Variants in PPP1R9A observed in about 807,000 individuals in gnomAD.
PPP1R9A encodes the protein protein phosphatase 1 regulatory subunit 9A.
In PPP1R9A, 59 loss-of-function variants were observed where a neutral mutation model predicts 141.9. The observed-to-expected ratio is 0.42, with a 90% confidence interval of 0.34 to 0.52. The LOEUF is 0.52. Among genes scored for constraint, PPP1R9A ranks in the 20% least tolerant of loss-of-function variants. The pLI is 0.10. For synonymous variants in PPP1R9A, 500 were observed against 569.7 expected (o/e 0.88, Z 1.74); for missense variants, 1,444 against 1,611.9 (o/e 0.90, Z 1.78).
In PPP1R9A at chr7:94,956,976, T is replaced by C. The variant is rs193112537; in HGVS notation, c.1395+45468T>C. Among the ~76,000 whole-genome samples, 6 of 152,300 alleles carry C rather than the reference T, an allele frequency of 3.9e-5. No individual in the cohort carries two copies. The East Asian group carries it at 1.2e-3, about 29-fold the overall frequency. ...CAGATATAAATGTACGTGATCAGTT[T>C]GATCAGTTTTCCTTTTCACAAATAA... On this transcript the variant is annotated intron_variant, in intron 2 of 19. Transcript: ENST00000433360.
chr7:95,074,725 C>T (rs1257221503), intron 2 of PPP1R9A, among the ~76,000 whole-genome samples: 1 of 152,030 alleles, frequency 6.6e-6, no homozygotes, highest in Admixed American at 6.5e-5. Flanking sequence ...CCACCCGTCT[C>T]GGCCTCCCAA....
chr7:95,010,981 C>T (rs1376175443), intron 2 of PPP1R9A, among the ~76,000 whole-genome samples: 3 of 152,052 alleles, frequency 2.0e-5, no homozygotes, highest in Admixed American at 6.6e-5. Context: ...TGGAGTCTGC[C>T]TGACAGAATG....
intron 2 of PPP1R9A, among the ~76,000 whole-genome samples, chr7:94,989,798 C>T (rs940891397): frequency 2.0e-5 from 3 of 152,016 alleles, no homozygotes; most frequent in Admixed American, 1.3e-4. Flanking sequence ...TTATTTCATA[C>T]GTAGCCAGTT....
intron 2 of PPP1R9A, among the ~76,000 whole-genome samples, chr7:95,056,420 T>C (rs1811507468): frequency 6.6e-6 from 1 of 152,062 alleles, no homozygotes; most frequent in African/African-American, 2.4e-5. Context: ...AACACTGGAG[T>C]ACTTTGAGCA....
intron 14 of PPP1R9A, among the ~76,000 whole-genome samples, chr7:95,272,745 G>T (rs1258229521): frequency 6.6e-6 from 1 of 152,084 alleles, no homozygotes; most frequent in African/African-American, 2.4e-5. Flanking sequence ...AATTTCTCTT[G>T]AAGTAAACAA....
intron 5 of PPP1R9A, among the ~76,000 whole-genome samples, chr7:95,191,954 TATCAATTG>T (rs1213909978): frequency 1.3e-5 from 2 of 152,090 alleles, no homozygotes; most frequent in African/African-American, 4.8e-5. Context: ...TGTGCAGAAA[TATCAATTG>T]ATTTGGTCAC....
At chr7:95,217,833 T>A (rs1313619637) in intron 7 of PPP1R9A, among the ~76,000 whole-genome samples, 1 of 149,702 alleles carries the variant, frequency 6.7e-6, no homozygotes, top group African/African-American at 2.4e-5. Flanking sequence ...TTATCATTTC[T>A]AATTGCATCT....
At chr7:94,930,846 T>C (rs1421846572) in intron 2 of PPP1R9A, among the ~76,000 whole-genome samples, 1 of 152,178 alleles carries the variant, frequency 6.6e-6, no homozygotes, top group African/African-American at 2.4e-5. Flanking sequence ...AATGAGCCAT[T>C]TAAAATATGT....
chr7:95,152,838 CTTT>C (rs5885900), intron 4 of PPP1R9A, among the ~76,000 whole-genome samples: 3,290 of 125,086 alleles, frequency 0.026, 44 homozygotes, highest in Non-Finnish European at 0.035. Flanking sequence ...CAGCCACACC[CTTT>C]TTTTTTTTTT....
Position 94,910,576 on chromosome 7 carries a change from C to T in PPP1R9A, c.463C>T (p.Gln155Ter). ...TGAGAGAAGTGTGCATGAATCAGGA[C>T]AGAACAACCGCTATTCCCCAAAGAA... ...MFERSVHESG[Q>*]NNRYSPKKEK... Residue 155 changes from glutamine to a stop codon, truncating the protein, a stop_gained, in exon 2 of 20, where the codon CAG becomes TAG. Transcript: ENST00000433360. LOFTEE classifies it high-confidence loss of function. The surrounding 1 kb of genome is among the most constrained non-coding windows in gnomAD (Gnocchi z 4.5). 1 of 1,614,092 alleles carries T rather than the reference C, an allele frequency of 6.2e-7. No homozygotes were observed. The highest frequency in any genetic ancestry group is 8.5e-7 in the Non-Finnish European group (1 of 1,180,012).
chr7:95,247,333 A>G (rs1316496864), intron 8 of PPP1R9A, 140 bp from the exon 9 acceptor site: 2 of 592,506 alleles, frequency 3.4e-6, no homozygotes, highest in Non-Finnish European at 6.0e-6. Context: ...CACAGTAGAC[A>G]CTTTAATTTA....
At chr7:94,936,377 A>C (rs1182819290) in intron 2 of PPP1R9A, among the ~76,000 whole-genome samples, 3 of 152,176 alleles carry the variant, frequency 2.0e-5, no homozygotes, top group African/African-American at 7.2e-5. Flanking sequence ...AGCTTTTAAC[A>C]TTAAATCAGG....
In PPP1R9A at chr7:95,163,918, A is replaced by T. The variant is rs1182903664; in HGVS notation, c.1754+1947A>T. ...CACATCCAGCTAATTTTGTATTTTT[A>T]GTAGAGACAGGGTTTTGCCCTGTTG... On this transcript the variant is annotated intron_variant, in intron 5 of 19. Transcript: ENST00000433360. 7.2e-5 allele frequency among the ~76,000 whole-genome samples: 11 copies of T among 152,210 alleles called. No homozygotes were observed. In the South Asian group the frequency reaches 2.3e-3, roughly 32 times the overall value.
At chr7:95,191,766 AAG>A (rs1162477407) in intron 5 of PPP1R9A, among the ~76,000 whole-genome samples, 7 of 152,100 alleles carry the variant, frequency 4.6e-5, no homozygotes, top group African/African-American at 1.7e-4. Flanking sequence ...AAAAGATAAA[AAG>A]ATCACACTAT....
At chr7:94,917,012 T>C (rs1436656036) in intron 2 of PPP1R9A, among the ~76,000 whole-genome samples, 3 of 152,050 alleles carry the variant, frequency 2.0e-5, no homozygotes, top group Non-Finnish European at 4.4e-5. Flanking sequence ...ACAGGGTTTT[T>C]ACCATGTTGG....
At chr7:95,100,953 C>T (rs891676075) in intron 2 of PPP1R9A, among the ~76,000 whole-genome samples, 6 of 148,580 alleles carry the variant, frequency 4.0e-5, no homozygotes, top group African/African-American at 1.0e-4. Flanking sequence ...CCCGGGTTCA[C>T]GCCATTCTCC....
intron 2 of PPP1R9A, among the ~76,000 whole-genome samples, chr7:94,992,240 G>A (rs1801603845): frequency 6.6e-6 from 1 of 152,142 alleles, no homozygotes; most frequent in South Asian, 2.1e-4. Flanking sequence ...TGGAAGTACA[G>A]AGTATGTACT....
Position 95,066,872 on chromosome 7 carries a change from A to C in PPP1R9A, c.1396-44387A>C, listed in dbSNP as rs148931617. Among the ~76,000 whole-genome samples, 581 of 152,332 alleles carry C rather than the reference A, an allele frequency of 3.8e-3. 6 individuals are homozygous for C. Among genetic ancestry groups the C allele is most frequent in the African/African-American group, 0.013 (549 of 41,574 alleles). On this transcript the variant is annotated intron_variant, in intron 2 of 19. Coordinates refer to ENST00000433360, the MANE Select transcript of PPP1R9A (RefSeq NM_001166160.2). ...AGCCTTATTAAATGTGCAATAAAGA[A>C]GAAAGGAATTTTCACCAAGACATGT...
At chr7:94,957,336 T>C (rs1797177813) in intron 2 of PPP1R9A, among the ~76,000 whole-genome samples, 1 of 152,116 alleles carries the variant, frequency 6.6e-6, no homozygotes, top group Non-Finnish European at 1.5e-5. Context: ...AACATTTTTA[T>C]GTTTCTGAGT....
Sources: allele counts gnomAD v4.1 joint callset (sites outside exome capture counted in the v4.1 genomes callset), GRCh38; gene constraint gnomAD v4.1.1; non-coding constraint Gnocchi (gnomAD v3.1); transcripts MANE v1.5; gene names NCBI Gene and HGNC (gene_info 2026-07-23, HGNC 2026-07-21).